Variants in CDC5L observed in about 807,000 individuals in gnomAD.
CDC5L encodes cell division cycle 5 like.
In CDC5L, 18 loss-of-function variants were observed where a neutral mutation model predicts 104.1. The ratio of observed to expected loss-of-function variants is 0.17; its 90% confidence interval spans 0.12 to 0.26. CDC5L has a LOEUF of 0.26. CDC5L is among the 10% of genes least tolerant of loss of function. The pLI is 1.00. For synonymous variants in CDC5L, 331 were observed against 322.7 expected, an observed-to-expected ratio of 1.03 and a Z score of -0.28; for missense variants, 673 against 956.9, an observed-to-expected ratio of 0.70 and a Z score of 3.91.
rs972843847 is a variant in CDC5L, at chr6:44,448,307, A to G, written c.*1596A>G. The G allele has an allele frequency of 1.3e-5, 2 of 152,230 alleles. No homozygotes were observed. The highest frequency in any genetic ancestry group is 4.8e-5 in the African/African-American group (2 of 41,462). 9.4% of individuals were successfully genotyped at this position (152,230 alleles called of 1,614,324 possible). On this transcript the variant is annotated 3_prime_UTR_variant, in exon 16 of 16. Coordinates refer to ENST00000371477, the MANE Select transcript of CDC5L (RefSeq NM_001253.4). ...TGTATAGAGCCACATAAATAAGGCTATAATAAGGAATTTGGATCTTACTTT... is the reference window on the plus strand; with the variant it reads ...TGTATAGAGCCACATAAATAAGGCTGTAATAAGGAATTTGGATCTTACTTT...
intron 6 of CDC5L, among the ~76,000 whole-genome samples, chr6:44,404,611 A>C (rs1364680131): frequency 6.6e-6 from 1 of 152,162 alleles, no homozygotes; most frequent in African/African-American, 2.4e-5. Context: ...TCACATCTTA[A>C]CTTTTATGTA....
intron 14 of CDC5L, among the ~76,000 whole-genome samples, chr6:44,445,425 AAATT>A (rs1440422547): frequency 4.6e-5 from 7 of 152,234 alleles, no homozygotes; most frequent in African/African-American, 1.7e-4. Flanking sequence ...ATCGTGGGTC[AAATT>A]ATTATAAATA....
At chr6:44,439,395 C>T (rs542936508) in intron 14 of CDC5L, among the ~76,000 whole-genome samples, 9 of 151,562 alleles carry the variant, frequency 5.9e-5, no homozygotes, top group Admixed American at 1.3e-4. Context: ...ATACTTCCTT[C>T]ACCTCATTTG....
chr6:44,424,014 G>T (rs986485350), intron 10 of CDC5L, among the ~76,000 whole-genome samples: 2 of 152,122 alleles, frequency 1.3e-5, no homozygotes, highest in Non-Finnish European at 2.9e-5. Flanking sequence ...CTTAATGTTG[G>T]GAAGAAGGGG....
At chr6:44,418,918 G>A (rs1208327452) in intron 8 of CDC5L, among the ~76,000 whole-genome samples, 3 of 151,314 alleles carry the variant, frequency 2.0e-5, no homozygotes, top group African/African-American at 7.3e-5. Context: ...AGATGAGTAG[G>A]TTGCGAAAAT....
At chr6:44,426,453 T>A (rs1561976820) in intron 12 of CDC5L, 29 bp from the exon 13 acceptor site, 1 of 1,214,978 alleles carries the variant, frequency 8.2e-7, no homozygotes, top group African/African-American at 1.5e-5. Context: ...GTGATATGTT[T>A]GGTAATTGTA....
rs1477546593 is a variant in CDC5L, at chr6:44,445,881, T to C, written c.2304+14T>C. 6.3e-7 allele frequency: 1 copy of C among 1,578,772 alleles called. No homozygotes were observed. Among genetic ancestry groups the C allele is most frequent in the Non-Finnish European group, 8.7e-7 (1 of 1,148,840 alleles). ...CGGAGGCTAGAGGTAACGTTATATA[T>C]TGAACTGTTGTTTAAAAAGAGTGCT... On this transcript the variant is annotated intron_variant, in intron 15 of 15. Coordinates refer to ENST00000371477, the MANE Select transcript of CDC5L (RefSeq NM_001253.4).
At chr6:44,406,749 A>C (rs1375881364) in intron 7 of CDC5L, among the ~76,000 whole-genome samples, 2 of 152,110 alleles carry the variant, frequency 1.3e-5, no homozygotes, top group African/African-American at 4.8e-5. Context: ...CCCTGTCTCT[A>C]CTGAAAATAC....
At chr6:44,411,262 CT>C (rs2153378655) in intron 8 of CDC5L, among the ~76,000 whole-genome samples, 1 of 152,126 alleles carries the variant, frequency 6.6e-6, no homozygotes, top group South Asian at 2.1e-4. Context: ...CCTGGCTTCC[CT>C]GGAGGCTGAT....
At chr6:44,416,762 T>G (rs989065241) in intron 8 of CDC5L, among the ~76,000 whole-genome samples, 6 of 152,174 alleles carry the variant, frequency 3.9e-5, no homozygotes, top group African/African-American at 1.2e-4. Context: ...TTTTTGGGAG[T>G]GTTGCCTATT....
intron 7 of CDC5L, among the ~76,000 whole-genome samples, chr6:44,407,431 A>T (rs1210771864): frequency 6.6e-6 from 1 of 151,498 alleles, no homozygotes; most frequent in Non-Finnish European, 1.5e-5. Flanking sequence ...CGTTCAAGCG[A>T]TTCTCCTGCC....
At chr6:44,430,089 G>T (rs978986140) in intron 14 of CDC5L, among the ~76,000 whole-genome samples, 179 bp downstream of exon 14, 1 of 150,444 alleles carries the variant, frequency 6.6e-6, no homozygotes, top group Non-Finnish European at 1.5e-5. Flanking sequence ...GTTTTTTTTT[G>T]TTTGTTTTGT....
chr6:44,441,784 C>T (rs1329639809), intron 14 of CDC5L, among the ~76,000 whole-genome samples: 4 of 152,174 alleles, frequency 2.6e-5, no homozygotes, highest in East Asian at 3.9e-4. Context: ...TATTCAGGTC[C>T]TTTCCCCATT....
At chr6:44,390,223 C>G in intron 1 of CDC5L, 45 bp from the exon 2 acceptor site, 1 of 1,263,014 alleles carries the variant, frequency 7.9e-7, no homozygotes, top group Non-Finnish European at 1.2e-6. Context: ...TCTTTTCCCA[C>G]TTGGAGTTTT....
Position 44,392,572 on chromosome 6 carries a change from T to G in CDC5L, c.150-95T>G, listed in dbSNP as rs577473687. On this transcript the variant is annotated intron_variant, in intron 2 of 15. Coordinates refer to ENST00000371477, the MANE Select transcript of CDC5L (RefSeq NM_001253.4). ...TGTCAAAAAGAACAGTTTTTGTAAT[T>G]GAAGGATGAGAGCACAAGTCAGTGT... is the stretch of plus-strand genomic sequence containing the variant. 1.8e-5 allele frequency: 20 copies of G among 1,105,208 alleles called. No individual in the cohort carries two copies. In the South Asian group the frequency reaches 2.7e-4, roughly 15 times the overall value. 68.5% of individuals were successfully genotyped at this position (1,105,208 alleles called of 1,614,324 possible). A position where few individuals can be genotyped will look rare whatever the true frequency, so the allele number is the denominator to read the frequency against.
Position 44,388,875 on chromosome 6 carries a change from C to G in CDC5L, c.45+1007C>G, listed in dbSNP as rs11571902. Among the ~76,000 whole-genome samples, 1,211 of 152,172 alleles carry G rather than the reference C, an allele frequency of 8.0e-3. 21 individuals are homozygous for G. The highest frequency in any genetic ancestry group is 0.028 in the African/African-American group (1,157 of 41,532). On this transcript the variant is annotated intron_variant, in intron 1 of 15. Transcript: ENST00000371477. ...AGCATCACATCCTCTGTGTGGTACT[C>G]GGTAAGTTTCTTAACTTCTGAAAGC... is the stretch of plus-strand genomic sequence containing the variant.
At chr6:44,420,182 A>C (rs1792098499) in intron 9 of CDC5L, among the ~76,000 whole-genome samples, 1 of 152,122 alleles carries the variant, frequency 6.6e-6, no homozygotes. Context: ...TTTATGTTAC[A>C]TTTTAATGAA....
At chr6:44,393,956 A>AT (rs1242470332) in intron 4 of CDC5L, among the ~76,000 whole-genome samples, 1 of 152,218 alleles carries the variant, frequency 6.6e-6, no homozygotes, top group African/African-American at 2.4e-5. Context: ...GTGAGCCACC[A>AT]TACCTGATCC....
chr6:44,390,193 C>G (rs1790526198), intron 1 of CDC5L, 75 bp from the exon 2 acceptor site: 1 of 852,752 alleles, frequency 1.2e-6, no homozygotes, highest in Non-Finnish European at 2.0e-6. Context: ...ATAGCCCTAT[C>G]AGAGTTAATT....
Sources: allele counts gnomAD v4.1 joint callset (sites outside exome capture counted in the v4.1 genomes callset), GRCh38; gene constraint gnomAD v4.1.1; transcripts MANE v1.5; gene names NCBI Gene and HGNC (gene_info 2026-07-23, HGNC 2026-07-21).